Variants in ELAVL3 observed in about 807,000 individuals in gnomAD.
The protein encoded by ELAVL3 is ELAV like RNA binding protein 3.
In ELAVL3, 8 loss-of-function variants were observed where a neutral mutation model predicts 34.2. The ratio of observed to expected loss-of-function variants is 0.23; its 90% confidence interval spans 0.14 to 0.42. The LOEUF (loss-of-function observed/expected upper bound fraction) is 0.42. Ranked by LOEUF, ELAVL3 falls within the 10% of genes least tolerant of loss-of-function variation. The probability of loss-of-function intolerance (pLI) is 1.00; values close to 1 mark genes in which losing one functional copy is unlikely to be tolerated. For synonymous variants in ELAVL3, 209 were observed against 222.1 expected, an observed-to-expected ratio of 0.94 and a Z score of 0.53; for missense variants, 273 against 518.8, an observed-to-expected ratio of 0.53 and a Z score of 4.60.
Position 11,454,893 on chromosome 19 carries a change from C to A in ELAVL3, c.753-16G>T, listed in dbSNP as rs759960710. 6.3e-7 allele frequency: 1 copy of A among 1,581,474 alleles called. No individual in the cohort carries two copies. On this transcript the variant is annotated splice_polypyrimidine_tract_variant and intron_variant, in intron 6 of 6. Transcript: ENST00000359227. This position sits in a 1 kb window ranked among gnomAD's most constrained non-coding sequence, Gnocchi z 9.2. Reference sequence around the variant, plus strand: ...CGACAGGGGACTACTTTGGGGGTCACGCGGGCTCTGCCCTGACCCCCCGCA... The same window carrying A: ...CGACAGGGGACTACTTTGGGGGTCAAGCGGGCTCTGCCCTGACCCCCCGCA...
Position 11,468,951 on chromosome 19 carries a change from G to A in ELAVL3, c.10-2124C>T, listed in dbSNP as rs141615007. Among the ~76,000 whole-genome samples the A allele has an allele frequency of 8.3e-3, 1,259 of 151,304 alleles. 10 individuals carry two copies. The highest frequency in any genetic ancestry group is 0.031 in the Middle Eastern group (9 of 294). On this transcript the variant is annotated intron_variant, in intron 1 of 6. Transcript: ENST00000359227. ...TAATTAATTTTTGAGACAAGGTCTC[G>A]CTCTGCCACCCAGGCTGAAGTGCAG...
Position 11,458,388 on chromosome 19 carries a change from CCCA to C in ELAVL3, c.487+67_487+69del, listed in dbSNP as rs1300937221. 1.2e-6 allele frequency: 2 copies of C among 1,608,164 alleles called. No homozygotes were observed. Among genetic ancestry groups the C allele is most frequent in the Non-Finnish European group, 1.7e-6 (2 of 1,176,660 alleles). The stretch of plus-strand genomic sequence containing the variant: ...ATGCCCTGGCATCTTGGTCGGTTTC[CCCA>C]CGTTGGTCCCACCTGACTGCCTTTG... On this transcript the variant is annotated intron_variant, in intron 4 of 6. Transcript: ENST00000359227. This position sits in a 1 kb window ranked among gnomAD's most constrained non-coding sequence, Gnocchi z 7.3.
chr19:11,473,184 C>T (rs1330765820), intron 1 of ELAVL3, among the ~76,000 whole-genome samples: 5 of 151,780 alleles, frequency 3.3e-5, no homozygotes, highest in Admixed American at 6.6e-5. Context: ...GCTAACACGG[C>T]GAAACTCCGT....
Position 11,458,648 on chromosome 19 carries a change from A to G in ELAVL3, c.334-37T>C, listed in dbSNP as rs750638896. On this transcript the variant is annotated intron_variant, in intron 3 of 6. Coordinates refer to ENST00000359227, the MANE Select transcript of ELAVL3 (RefSeq NM_001420.4). This position sits in a 1 kb window ranked among gnomAD's most constrained non-coding sequence, Gnocchi z 7.3. ...GGTCAGATGGACAGGGGTGAGGCAG[A>G]GACCCATTTCACAGATGGAGAGAGT... The G allele has an allele frequency of 1.9e-6, 3 of 1,609,524 alleles. No homozygotes were observed. Among genetic ancestry groups the G allele is most frequent in the Non-Finnish European group, 2.5e-6 (3 of 1,178,642 alleles).
chr19:11,464,998 AC>A (rs1971003322), intron 3 of ELAVL3, among the ~76,000 whole-genome samples: 1 of 118,368 alleles, frequency 8.4e-6, no homozygotes, highest in Non-Finnish European at 1.7e-5. Context: ...CACACCACAC[AC>A]CACACACACA....
intron 3 of ELAVL3, among the ~76,000 whole-genome samples, chr19:11,462,593 A>T (rs115014492): frequency 0.058 from 8,718 of 151,022 alleles, 637 homozygotes; most frequent in African/African-American, 0.17. Flanking sequence ...CCGAGAGCGC[A>T]CCACTGTAAT....
At position 11,480,193 on chromosome 19, in the gene ELAVL3, G is replaced by A. The variant is rs938758610; in HGVS notation, c.9+407C>T. 4 of 182,324 alleles carry A rather than the reference G, an allele frequency of 2.2e-5. No homozygotes were observed. The highest frequency in any genetic ancestry group is 4.7e-5 in the African/African-American group (2 of 42,618). 11.3% of individuals were successfully genotyped at this position (182,324 alleles called of 1,614,324 possible). ...CCACCCGCTTTCCCAGGGCTCTCGG[G>A]GACGCTTTGTCGCTTTGGCTTGGCC... is the stretch of plus-strand genomic sequence containing the variant. On this transcript the variant is annotated intron_variant, in intron 1 of 6. Coordinates refer to ENST00000359227, the MANE Select transcript of ELAVL3 (RefSeq NM_001420.4). The surrounding 1 kb of genome is among the most constrained non-coding windows in gnomAD (Gnocchi z 6.8).
At chr19:11,457,066 A>G in intron 6 of ELAVL3, 44 bp downstream of exon 6, 1 of 1,079,214 alleles carries the variant, frequency 9.3e-7, no homozygotes, top group Non-Finnish European at 1.2e-6. Context: ...CATCAGGGGC[A>G]TGGATGGTGA....
Position 11,458,274 on chromosome 19 carries a change from C to T in ELAVL3, c.500G>A (p.Gly167Asp). Residue 167 changes from glycine to aspartate, a missense_variant, in exon 5 of 7, where the codon GGT becomes GAT. Gly to Asp is a moderately conservative substitution (Grantham distance 94). Coordinates refer to ENST00000359227, the MANE Select transcript of ELAVL3 (RefSeq NM_001420.4). The surrounding 1 kb of genome is among the most constrained non-coding windows in gnomAD (Gnocchi z 7.3). ...CTTGTCAAAGCGGATGAATCCCACA[C>T]CCCGAGAGACACCTGCCAGGGGGCA... is the stretch of plus-strand genomic sequence containing the variant. ...LVDQVTGVSR[G>D]VGFIRFDKRI... The T allele has an allele frequency of 6.2e-7, 1 of 1,613,782 alleles. No homozygotes were observed. The highest frequency in any genetic ancestry group is 8.5e-7 in the Non-Finnish European group (1 of 1,180,006).
At chr19:11,465,257 CGCACACAT>C (rs1971020802) in intron 3 of ELAVL3, among the ~76,000 whole-genome samples, 1 of 100,230 alleles carries the variant, frequency 1.0e-5, no homozygotes, top group African/African-American at 6.2e-5. Context: ...ACATACACAC[CGCACACAT>C]ACACCACACA....
Position 11,454,461 on chromosome 19 carries a change from C to A in ELAVL3, c.*65G>T. The A allele has an allele frequency of 7.1e-7, 1 of 1,401,794 alleles. No individual in the cohort carries two copies. The allele number at this position is 1,401,794 out of a possible 1,614,324, so 86.8% of individuals were successfully genotyped here. A position where few individuals can be genotyped will look rare whatever the true frequency, so the allele number is the denominator to read the frequency against. ...TCTCTTGGGCCCCTTCTCTCTCTCT[C>A]TCTCTCTTTCTCTCTCTCTCTCTCT... On this transcript the variant is annotated 3_prime_UTR_variant, in exon 7 of 7. Transcript: ENST00000359227. This position sits in a 1 kb window ranked among gnomAD's most constrained non-coding sequence, Gnocchi z 9.2.
Position 11,480,745 on chromosome 19 carries a change from G to A in ELAVL3, c.-137C>T. 1 of 836,056 alleles carries A rather than the reference G, an allele frequency of 1.2e-6. No individual in the cohort carries two copies. Among genetic ancestry groups the A allele is most frequent in the Non-Finnish European group, 1.7e-6 (1 of 597,928 alleles). 51.8% of individuals were successfully genotyped at this position (836,056 alleles called of 1,614,324 possible). ...CGGCCGCTGCAGATGTGGCGATGAA[G>A]GCGGCGGCTCCCTCGAGGGCCAGGG... is the stretch of plus-strand genomic sequence containing the variant. On this transcript the variant is annotated 5_prime_UTR_variant, in exon 1 of 7. Coordinates refer to ENST00000359227, the MANE Select transcript of ELAVL3 (RefSeq NM_001420.4). The surrounding 1 kb of genome is among the most constrained non-coding windows in gnomAD (Gnocchi z 6.8).
intron 1 of ELAVL3, among the ~76,000 whole-genome samples, chr19:11,468,376 C>T (rs1971097651): frequency 6.6e-6 from 1 of 150,638 alleles, no homozygotes; most frequent in African/African-American, 2.4e-5. Flanking sequence ...CTTGTCATTT[C>T]AGGGGCTACA....
intron 1 of ELAVL3, among the ~76,000 whole-genome samples, chr19:11,470,444 T>A (rs1041673152): frequency 3.3e-5 from 5 of 151,238 alleles, no homozygotes; most frequent in African/African-American, 4.9e-5. Flanking sequence ...GGCAGGCAGA[T>A]CACCTGAGGT....
rs991553844 is a variant in ELAVL3 at position 11,477,233 on chromosome 19, G to A, written c.9+3367C>T. Among the ~76,000 whole-genome samples the A allele has an allele frequency of 5.3e-5, 8 of 152,302 alleles. No homozygotes were observed. In the East Asian group the frequency reaches 9.6e-4, roughly 18 times the overall value. On this transcript the variant is annotated intron_variant, in intron 1 of 6. Transcript: ENST00000359227. ...AAGGTATGGCACAGAGGTCTCACATGTATGGAGCTGGATTCTGAATTTGCA... is the reference window on the plus strand; with the variant it reads ...AAGGTATGGCACAGAGGTCTCACATATATGGAGCTGGATTCTGAATTTGCA...
At chr19:11,476,720 G>A (rs1030318179) in intron 1 of ELAVL3, among the ~76,000 whole-genome samples, 1 of 151,926 alleles carries the variant, frequency 6.6e-6, no homozygotes, top group Non-Finnish European at 1.5e-5. Flanking sequence ...CCAACACAGC[G>A]AACTCTCATC....
chr19:11,462,189 A>AAAAG (rs1555732075), intron 3 of ELAVL3, among the ~76,000 whole-genome samples: 1 of 151,810 alleles, frequency 6.6e-6, no homozygotes, highest in African/African-American at 2.4e-5. Flanking sequence ...AAAAAAAAAA[A>AAAAG]AAAGAAATAA....
intron 1 of ELAVL3, among the ~76,000 whole-genome samples, chr19:11,468,718 G>A (rs311798): frequency 1.3e-4 from 20 of 152,062 alleles, no homozygotes; most frequent in Non-Finnish European, 2.6e-4. Flanking sequence ...GAGCCACCAC[G>A]CCCGGCCCTT....
chr19:11,474,537 G>A (rs1971228121), intron 1 of ELAVL3, among the ~76,000 whole-genome samples: 1 of 151,964 alleles, frequency 6.6e-6, no homozygotes, highest in African/African-American at 2.4e-5. Flanking sequence ...GCAGTGAGTT[G>A]AGACTGTGCC....
Sources: gnomAD v4.1 joint callset for allele counts (sites outside exome capture counted in the v4.1 genomes callset) on GRCh38, gnomAD v4.1.1 for gene constraint, Gnocchi (gnomAD v3.1) non-coding constraint, MANE v1.5 for transcripts, NCBI Gene and HGNC (gene_info 2026-07-23, HGNC 2026-07-21) for gene names.